The following TMEM185A variants were observed in gnomAD, a reference collection of about 807,000 sequenced individuals.
TMEM185A encodes the protein transmembrane protein 185A.
In TMEM185A, 9 loss-of-function variants were observed where a neutral mutation model predicts 25.0. The ratio of observed to expected loss-of-function variants is 0.36; its 90% CI spans 0.22 to 0.63. The LOEUF (loss-of-function observed/expected upper bound fraction) is 0.63, where lower values mean the gene tolerates loss of function less well. TMEM185A is among the 20% of genes least tolerant of loss of function. The probability of loss-of-function intolerance (pLI) is 0.68; values close to 1 mark genes in which losing one functional copy is unlikely to be tolerated. For missense variants in TMEM185A, 103 were observed against 237.4 expected (o/e 0.43, Z 3.72); for synonymous variants, 45 against 93.5 (o/e 0.48, Z 2.99).
chrX:149,629,942 C>G (rs2090182852), intron 1 of TMEM185A, among the ~76,000 whole-genome samples: 2 of 112,078 alleles, frequency 1.8e-5, no homozygotes, highest in African/African-American at 6.5e-5. Flanking sequence ...AGATTATACT[C>G]ATTCTACAGA....
chrX:149,606,482 C>T (rs2090052083), intron 3 of TMEM185A, among the ~76,000 whole-genome samples: 1 of 112,582 alleles, frequency 8.9e-6, no homozygotes, highest in African/African-American at 3.2e-5. Flanking sequence ...AGGACGTGGC[C>T]CCTATTTGCC....
chrX:149,609,315 A>G (rs1372787486), intron 2 of TMEM185A, among the ~76,000 whole-genome samples: 4 of 112,846 alleles, frequency 3.5e-5, no homozygotes, highest in Non-Finnish European at 7.5e-5. Context: ...CTCTAGTTCT[A>G]TGAACAAGTG....
intron 1 of TMEM185A, among the ~76,000 whole-genome samples, chrX:149,618,518 T>C (rs1244888994): frequency 9.0e-6 from 1 of 111,213 alleles, no homozygotes; most frequent in East Asian, 2.8e-4. Flanking sequence ...AGATAATGAG[T>C]ATAACAAGTG....
intron 1 of TMEM185A, among the ~76,000 whole-genome samples, chrX:149,616,945 C>T (rs1280787586): frequency 1.8e-5 from 2 of 112,176 alleles, no homozygotes; most frequent in Non-Finnish European, 3.8e-5. Flanking sequence ...ATATATAGAA[C>T]GTACTAGAGA....
chrX:149,601,403 G>A (rs1395095804), intron 4 of TMEM185A: 1 of 98,388 alleles, frequency 1.0e-5, no homozygotes, highest in Non-Finnish European at 2.0e-5. Context: ...AAAACTCTCC[G>A]TGCTGTCCCT....
chrX:149,630,236 GCACATA>G (rs1557356478), intron 1 of TMEM185A, among the ~76,000 whole-genome samples: 1 of 111,668 alleles, frequency 9.0e-6, no homozygotes, highest in Non-Finnish European at 1.9e-5. Flanking sequence ...TGGAATAAGA[GCACATA>G]CAAAGTCACA....
At chrX:149,621,725 C>G (rs782697628) in intron 1 of TMEM185A, among the ~76,000 whole-genome samples, 2 of 111,740 alleles carry the variant, frequency 1.8e-5, no homozygotes, top group African/African-American at 3.3e-5. Flanking sequence ...GCTCTAGAGG[C>G]TGCCACATTC....
intron 4 of TMEM185A, chrX:149,601,474 C>G (rs1193358066): frequency 1.0e-5 from 1 of 98,150 alleles, no homozygotes; most frequent in Non-Finnish European, 2.0e-5. Flanking sequence ...TCTCACTGTA[C>G]TTTTGTCTCT....
chrX:149,607,408 G>A (rs946186707), intron 3 of TMEM185A, among the ~76,000 whole-genome samples: 2 of 111,995 alleles, frequency 1.8e-5, no homozygotes, highest in African/African-American at 3.3e-5. Context: ...CTTTAGAGTC[G>A]GGCTGACTCA....
chrX:149,621,266 TAAAACAGTTTCCTTATTTAATAAA>T (rs1557355508), intron 1 of TMEM185A, among the ~76,000 whole-genome samples: 1 of 111,155 alleles, frequency 9.0e-6, no homozygotes, highest in Non-Finnish European at 1.9e-5. Flanking sequence ...TTATCCTCTG[TAAAACAGTTTCCTTATTTAATAAA>T]AAAAGAGAGT....
intron 1 of TMEM185A, among the ~76,000 whole-genome samples, chrX:149,612,890 C>T (rs2090091396): frequency 8.9e-6 from 1 of 111,760 alleles, no homozygotes; most frequent in East Asian, 2.8e-4. Context: ...GTAAATAGGC[C>T]CCTACATCTC....
rs1377694570 is a variant in TMEM185A, at chrX:149,597,225, G to GA, written c.*785_*786insT. On this transcript the variant is annotated 3_prime_UTR_variant, in exon 7 of 7. Coordinates refer to ENST00000600449, the MANE Select transcript of TMEM185A (RefSeq NM_032508.4). ...CATGAAGGCGTGGCACCCCACGGGG[G>GA]GGGGGGGAGTGTGCCACGGGCGTCC... 1 of 82,229 alleles carries GA rather than the reference G, an allele frequency of 1.2e-5. No homozygotes were observed. The highest frequency in any genetic ancestry group is 3.1e-4 in the East Asian group (1 of 3,252). The allele number at this position is 82,229 out of a possible 1,213,427, so 6.8% of individuals were successfully genotyped here.
chrX:149,622,691 G>A (rs2090145142), intron 1 of TMEM185A, among the ~76,000 whole-genome samples: 1 of 111,049 alleles, frequency 9.0e-6, no homozygotes, highest in Non-Finnish European at 1.9e-5. Context: ...CAATGCGTTC[G>A]CTCAAGATGC....
chrX:149,607,081 G>A (rs2090056203), intron 3 of TMEM185A, among the ~76,000 whole-genome samples: 1 of 111,496 alleles, frequency 9.0e-6, no homozygotes, highest in Non-Finnish European at 1.9e-5. Context: ...TCAGGGAATA[G>A]CTCCCCTTGT....
At chrX:149,604,313 TGA>T (rs1344035339) in intron 3 of TMEM185A, among the ~76,000 whole-genome samples, 1 of 112,567 alleles carries the variant, frequency 8.9e-6, no homozygotes, top group Non-Finnish European at 1.9e-5. Context: ...GCCTGAGGCC[TGA>T]GCACAGATGA....
chrX:149,625,845 A>G (rs1257768351), intron 1 of TMEM185A, among the ~76,000 whole-genome samples: 1 of 112,574 alleles, frequency 8.9e-6, no homozygotes, highest in Non-Finnish European at 1.9e-5. Flanking sequence ...TTGAATAACA[A>G]CACTCATTTG....
intron 1 of TMEM185A, among the ~76,000 whole-genome samples, chrX:149,630,466 C>A (rs781793024): frequency 1.8e-5 from 2 of 111,881 alleles, no homozygotes; most frequent in Admixed American, 9.4e-5. Flanking sequence ...TCTAAAGCAC[C>A]TAACATAGGT....
intron 3 of TMEM185A, chrX:149,605,092 C>G (rs2090039759): frequency 8.9e-6 from 1 of 112,619 alleles, no homozygotes; most frequent in Non-Finnish European, 1.9e-5. Context: ...GACCCTTGGT[C>G]TGCATTATTA....
Position 149,631,540 on chromosome X carries a change from C to T in TMEM185A, c.38+3G>A. ...CCCGGGGGCGCCAACGACGCCGCCT[C>T]ACCTCGGGTTGAAGTCCTGGAAGAG... On this transcript the variant is annotated splice_donor_region_variant and intron_variant, in intron 1 of 6. Transcript: ENST00000600449. 8.6e-7 allele frequency: 1 copy of T among 1,166,393 alleles called. No homozygotes were observed.
Sources: gnomAD v4.1 joint callset for allele counts (sites outside exome capture counted in the v4.1 genomes callset) on GRCh38, gnomAD v4.1.1 for gene constraint, MANE v1.5 for transcripts, NCBI Gene and HGNC (gene_info 2026-07-23, HGNC 2026-07-21) for gene names.